The following PCCA variants were observed in gnomAD, a reference collection of about 807,000 sequenced individuals.
PCCA encodes propionyl-CoA carboxylase alpha chain, mitochondrial.
Under a neutral mutation model 101.3 loss-of-function variants are expected in PCCA, and 74 were observed. That is an observed-to-expected ratio of 0.73 (90% CI 0.61 to 0.89). PCCA has a LOEUF of 0.89. PCCA is among the 40% of genes least tolerant of loss of function. The pLI, the probability that PCCA is intolerant of heterozygous loss-of-function variation, is 0.00. For synonymous variants in PCCA, 294 were observed against 313.6 expected (o/e 0.94, Z 0.66); for missense variants, 891 against 907.0 (o/e 0.98, Z 0.23).
At chr13:100,285,499 A>G (rs2064538536) in intron 12 of PCCA, among the ~76,000 whole-genome samples, 1 of 152,186 alleles carries the variant, frequency 6.6e-6, no homozygotes, top group East Asian at 1.9e-4. Flanking sequence ...GTGTAGTTGC[A>G]GCAGTGGCCG....
At position 100,257,580 on chromosome 13, in the gene PCCA, C is replaced by G; in HGVS notation, c.638-15C>G. 1 of 1,602,248 alleles carries G rather than the reference C, an allele frequency of 6.2e-7. No homozygotes were observed. Among genetic ancestry groups the G allele is most frequent in the Non-Finnish European group, 8.5e-7 (1 of 1,170,128 alleles). ...TCAAAGTCTGAACTTCTGTCTAATT[C>G]TTCCCTGCTGTTAGGCTACCCTGTC... On this transcript the variant is annotated splice_polypyrimidine_tract_variant and intron_variant, in intron 8 of 23. Coordinates refer to ENST00000376285, the MANE Select transcript of PCCA (RefSeq NM_000282.4).
chr13:100,222,187 T>G (rs1448805755), intron 7 of PCCA, among the ~76,000 whole-genome samples: 1 of 152,104 alleles, frequency 6.6e-6, no homozygotes, highest in African/African-American at 2.4e-5. Flanking sequence ...ATTACAGATA[T>G]GCGCCACCAT....
chr13:100,356,360 A>G (rs1043268235), intron 18 of PCCA, among the ~76,000 whole-genome samples: 15 of 152,170 alleles, frequency 9.9e-5, no homozygotes, highest in Non-Finnish European at 2.2e-4. Flanking sequence ...CAAATCATAT[A>G]TATTTAATAG....
chr13:100,154,686 A>G (rs899809527), intron 4 of PCCA: 9 of 371,520 alleles, frequency 2.4e-5, no homozygotes, highest in Non-Finnish European at 4.6e-5. Context: ...TTATGTATTG[A>G]TGAACGGAAT....
chr13:100,422,123 C>CTTTCTTTCT (rs2078858992), intron 19 of PCCA, among the ~76,000 whole-genome samples: 4 of 56,326 alleles, frequency 7.1e-5, no homozygotes, highest in Admixed American at 1.7e-4. Context: ...TCTTTCTTTT[C>CTTTCTTTCT]TTTCTTTCTT....
At chr13:100,107,731 G>T (rs1435240302) in intron 2 of PCCA, among the ~76,000 whole-genome samples, 2 of 152,170 alleles carry the variant, frequency 1.3e-5, no homozygotes, top group Non-Finnish European at 2.9e-5. Context: ...GTAAAACGGA[G>T]ATATTATCAG....
intron 7 of PCCA, among the ~76,000 whole-genome samples, chr13:100,212,041 A>G (rs1019195517): frequency 6.6e-5 from 10 of 152,148 alleles, no homozygotes; most frequent in East Asian, 1.9e-4. Flanking sequence ...CACTTGGCCT[A>G]TTGCCACTTT....
intron 18 of PCCA, among the ~76,000 whole-genome samples, chr13:100,354,212 G>A (rs547664647): frequency 3.2e-4 from 49 of 151,084 alleles, no homozygotes; most frequent in African/African-American, 1.1e-3. Flanking sequence ...GGAAGTCAGG[G>A]CTGTAGCAGT....
At chr13:100,396,837 T>C (rs1227365169) in intron 19 of PCCA, among the ~76,000 whole-genome samples, 3 of 152,194 alleles carry the variant, frequency 2.0e-5, no homozygotes, top group Non-Finnish European at 4.4e-5. Context: ...TGATTCACTT[T>C]GGGAAATTTT....
chr13:100,285,100 G>T (rs1184303379), intron 12 of PCCA, among the ~76,000 whole-genome samples: 1 of 152,194 alleles, frequency 6.6e-6, no homozygotes, highest in East Asian at 1.9e-4. Context: ...CCTCATCAAG[G>T]AACGAATACA....
chr13:100,191,033 G>A (rs1184401988), intron 6 of PCCA, among the ~76,000 whole-genome samples: 2 of 151,908 alleles, frequency 1.3e-5, no homozygotes, highest in Non-Finnish European at 2.9e-5. Flanking sequence ...AGGTGTCAAA[G>A]CTGCAGTGAT....
chr13:100,496,494 G>A (rs1321788127), intron 21 of PCCA, among the ~76,000 whole-genome samples: 3 of 152,000 alleles, frequency 2.0e-5, no homozygotes, highest in Admixed American at 6.6e-5. Context: ...TGGCAGGAAC[G>A]TAACGGTGGT....
chr13:100,344,859 T>C (rs1435853488), intron 18 of PCCA, among the ~76,000 whole-genome samples: 1 of 152,250 alleles, frequency 6.6e-6, no homozygotes, highest in African/African-American at 2.4e-5. Context: ...TGTCACATTT[T>C]GGTAATTCTC....
rs531423521 is a variant in PCCA, at chr13:100,338,126, A to G, written c.1541-2031A>G. ...GCAGATTATTACCCCTTGCCCTCATACCTTCTACCAGTCAGTCTGCTGGTG... is the reference window on the plus strand; with the variant it reads ...GCAGATTATTACCCCTTGCCCTCATGCCTTCTACCAGTCAGTCTGCTGGTG... On this transcript the variant is annotated intron_variant, in intron 17 of 23. Coordinates refer to ENST00000376285, the MANE Select transcript of PCCA (RefSeq NM_000282.4). Among the ~76,000 whole-genome samples the G allele has an allele frequency of 3.3e-5, 5 of 152,286 alleles. No individual in the cohort carries two copies. In the South Asian group the frequency reaches 1.0e-3, roughly 32 times the overall value.
At chr13:100,287,425 T>A in intron 12 of PCCA, among the ~76,000 whole-genome samples, 1 of 152,154 alleles carries the variant, frequency 6.6e-6, no homozygotes, top group Non-Finnish European at 1.5e-5. Flanking sequence ...TATTAATTCC[T>A]AAAATATGTT....
intron 6 of PCCA, among the ~76,000 whole-genome samples, chr13:100,178,373 C>G (rs1397382228): frequency 6.6e-6 from 1 of 152,184 alleles, no homozygotes; most frequent in Admixed American, 6.5e-5. Flanking sequence ...TTTAGGTAAA[C>G]TATACAAAAC....
intron 7 of PCCA, among the ~76,000 whole-genome samples, chr13:100,217,380 C>T (rs1181627309): frequency 6.8e-6 from 1 of 146,022 alleles, no homozygotes; most frequent in Non-Finnish European, 1.5e-5. Flanking sequence ...GGAGGTGGAG[C>T]TTGCAGTGAG....
intron 18 of PCCA, among the ~76,000 whole-genome samples, chr13:100,365,050 TAAAAG>T (rs1295830559): frequency 6.6e-6 from 1 of 152,096 alleles, no homozygotes; most frequent in Non-Finnish European, 1.5e-5. Flanking sequence ...TCATGTTTCT[TAAAAG>T]AAAAGGAAAA....
At chr13:100,426,489 C>T (rs2079155727) in intron 20 of PCCA, among the ~76,000 whole-genome samples, 1 of 152,234 alleles carries the variant, frequency 6.6e-6, no homozygotes, top group Middle Eastern at 3.4e-3. Context: ...ACACAGGAAA[C>T]TGGTTTTAAA....
Sources: gnomAD v4.1 joint callset for allele counts (sites outside exome capture counted in the v4.1 genomes callset) on GRCh38, gnomAD v4.1.1 for gene constraint, MANE v1.5 for transcripts, NCBI Gene and HGNC (gene_info 2026-07-23, HGNC 2026-07-21) for gene names.